DAPK1: variants seen among roughly 807,000 people sequenced by gnomAD.
DAPK1 encodes the protein death-associated protein kinase 1.
In DAPK1, 56 loss-of-function variants were observed where a neutral mutation model predicts 144.9. That is an observed-to-expected ratio of 0.39 (90% CI 0.31 to 0.48). DAPK1 has a LOEUF of 0.48. DAPK1 is among the 20% of genes least tolerant of loss of function. DAPK1 has a pLI of 0.95. For missense variants in DAPK1, 1,454 were observed against 1,875.4 expected, an observed-to-expected ratio of 0.78 and a Z score of 4.15; for synonymous variants, 690 against 749.0, an observed-to-expected ratio of 0.92 and a Z score of 1.29.
chr9:87,558,585 G>A (rs534638111), intron 2 of DAPK1, among the ~76,000 whole-genome samples: 4 of 152,292 alleles, frequency 2.6e-5, no homozygotes, highest in East Asian at 1.9e-4. Context: ...CCCTTTCGAC[G>A]AAAACGAACA....
chr9:87,503,783 G>A (rs1824494361), intron 2 of DAPK1, among the ~76,000 whole-genome samples: 1 of 152,156 alleles, frequency 6.6e-6, no homozygotes, highest in African/African-American at 2.4e-5. Context: ...CATTCTTTGT[G>A]GCTGAACAGT....
intron 18 of DAPK1, among the ~76,000 whole-genome samples, chr9:87,666,646 G>T (rs1831064558): frequency 6.6e-6 from 1 of 151,860 alleles, no homozygotes; most frequent in South Asian, 2.1e-4. Flanking sequence ...GCTGATTTTT[G>T]TATTTTTAGT....
At chr9:87,637,500 G>T (rs1455923424) in intron 3 of DAPK1, among the ~76,000 whole-genome samples, 1 of 152,124 alleles carries the variant, frequency 6.6e-6, no homozygotes, top group Non-Finnish European at 1.5e-5. Context: ...GAGTTTTAAA[G>T]AATTAATTAA....
intron 3 of DAPK1, among the ~76,000 whole-genome samples, chr9:87,627,288 G>C (rs1829525550): frequency 6.6e-6 from 1 of 152,186 alleles, no homozygotes; most frequent in Non-Finnish European, 1.5e-5. Flanking sequence ...GCCTAAGCAG[G>C]AAAATGCTTT....
chr9:87,542,314 T>A (rs927484731), intron 2 of DAPK1, among the ~76,000 whole-genome samples: 2 of 152,246 alleles, frequency 1.3e-5, no homozygotes, highest in African/African-American at 4.8e-5. Context: ...AGATCATCTC[T>A]GAATCATCAC....
intron 3 of DAPK1, among the ~76,000 whole-genome samples, chr9:87,614,527 G>T (rs1363892997): frequency 2.0e-5 from 3 of 152,134 alleles, no homozygotes; most frequent in Non-Finnish European, 4.4e-5. Context: ...GGTGGTGCAG[G>T]TCCTGCAAAT....
Position 87,565,718 on chromosome 9 carries a change from C to T in DAPK1, c.63-39236C>T, listed in dbSNP as rs902233995. ...ATTTTCAATTTACTGTTCTTTTCCC[C>T]GTTTTTCACTCTTTCTTTTTATCAT... On this transcript the variant is annotated intron_variant, in intron 2 of 25. Transcript: ENST00000408954. 4.6e-5 allele frequency among the ~76,000 whole-genome samples: 7 copies of T among 152,298 alleles called. No individual in the cohort carries two copies. In the East Asian group the frequency reaches 5.8e-4, roughly 13 times the overall value.
chr9:87,571,476 A>ACACCCCC lies in DAPK1; in HGVS notation c.63-33478_63-33477insCACCCCC, dbSNP rs771023885. Among the ~76,000 whole-genome samples, 108 of 48,518 alleles carry ACACCCCC rather than the reference A, an allele frequency of 2.2e-3. 6 individuals carry two copies. Among genetic ancestry groups the ACACCCCC allele is most frequent in the African/African-American group, 5.1e-3 (55 of 10,880 alleles). 31.8% of individuals were successfully genotyped at this position (48,518 alleles called of 152,430 possible). A position where few individuals can be genotyped will look rare whatever the true frequency, so the allele number is the denominator to read the frequency against. ...ACACACACACACACACACACACACC[A>ACACCCCC]ACACACACACACACACACCCCAACA... On this transcript the variant is annotated intron_variant, in intron 2 of 25. Transcript: ENST00000408954.
At chr9:87,498,143 C>T (rs1306355142) in intron 1 of DAPK1, 36 bp downstream of exon 1, 1 of 397,192 alleles carries the variant, frequency 2.5e-6, no homozygotes, top group Non-Finnish European at 4.4e-6. Flanking sequence ...GTCCCCCCGA[C>T]CCCCGGCGCC....
intron 20 of DAPK1, among the ~76,000 whole-genome samples, chr9:87,683,916 C>T (rs1315474343): frequency 6.6e-6 from 1 of 152,074 alleles, no homozygotes; most frequent in Admixed American, 6.5e-5. Flanking sequence ...ACAGTCAGTG[C>T]CGCCTGCCCC....
chr9:87,704,237 G>C (rs1464564117), intron 25 of DAPK1, among the ~76,000 whole-genome samples: 1 of 152,198 alleles, frequency 6.6e-6, no homozygotes, highest in East Asian at 1.9e-4. Context: ...CATCTTAGAT[G>C]ACAAGATACT....
At chr9:87,578,015 A>G (rs980109302) in intron 2 of DAPK1, among the ~76,000 whole-genome samples, 2 of 151,886 alleles carry the variant, frequency 1.3e-5, no homozygotes, top group African/African-American at 4.8e-5. Flanking sequence ...GCCATAGAAC[A>G]TTTCCATTTC....
chr9:87,636,416 G>A (rs1041594875), intron 3 of DAPK1, among the ~76,000 whole-genome samples: 6 of 152,192 alleles, frequency 3.9e-5, no homozygotes, highest in Admixed American at 6.5e-5. Context: ...GAATTAAGAC[G>A]TGGGAAAATG....
Position 87,518,269 on chromosome 9 carries a change from AC to A in DAPK1, c.62+19133del, listed in dbSNP as rs374865028. 3.7e-3 allele frequency among the ~76,000 whole-genome samples: 535 copies of A among 145,480 alleles called. 3 individuals are homozygous for A. The highest frequency in any genetic ancestry group is 0.012 in the African/African-American group (453 of 39,134). ...TGGGATTACAGGCGTGCCCCACCAC[AC>A]CCAGCTAATTTTTTTTTTTTTTTTT... is the stretch of plus-strand genomic sequence containing the variant. On this transcript the variant is annotated intron_variant, in intron 2 of 25. Transcript: ENST00000408954.
intron 3 of DAPK1, among the ~76,000 whole-genome samples, chr9:87,615,736 G>C (rs958043477): frequency 2.0e-5 from 3 of 152,192 alleles, no homozygotes; most frequent in Non-Finnish European, 4.4e-5. Flanking sequence ...TCCCTGAAAT[G>C]ATCTCATTTA....
At chr9:87,529,872 C>G (rs985326218) in intron 2 of DAPK1, among the ~76,000 whole-genome samples, 2 of 151,990 alleles carry the variant, frequency 1.3e-5, no homozygotes, top group Admixed American at 6.6e-5. Flanking sequence ...TAAATTTCCT[C>G]CTACTCACCT....
chr9:87,562,409 C>T (rs1826962948), intron 2 of DAPK1, among the ~76,000 whole-genome samples: 1 of 152,170 alleles, frequency 6.6e-6, no homozygotes, highest in Non-Finnish European at 1.5e-5. Context: ...AAATTAAGGA[C>T]TGGGTCTTGA....
Position 87,606,547 on chromosome 9 carries a change from T to TCC in DAPK1, c.284+1373_284+1374insCC, listed in dbSNP as rs1302026451. On this transcript the variant is annotated intron_variant, in intron 3 of 25. Coordinates refer to ENST00000408954, the MANE Select transcript of DAPK1 (RefSeq NM_004938.4). ...CTTCCTTCCTTCCCCCCTCCCTCCC[T>TCC]CTCTCCCTCTCTCCCTCCCTCCGTC... Among the ~76,000 whole-genome samples the TCC allele has an allele frequency of 1.2e-3, 103 of 84,054 alleles. 2 individuals carry two copies. Among genetic ancestry groups the TCC allele is most frequent in the African/African-American group, 4.6e-3 (97 of 20,952 alleles). 55.1% of individuals were successfully genotyped at this position (84,054 alleles called of 152,430 possible).
chr9:87,657,793 T>G, intron 17 of DAPK1: 1 of 526,386 alleles, frequency 1.9e-6, no homozygotes, highest in Non-Finnish European at 3.4e-6. Flanking sequence ...AGCAGGAAAC[T>G]TACTTAAGTT....
Sources: gnomAD v4.1 joint callset for allele counts (sites outside exome capture counted in the v4.1 genomes callset) on GRCh38, gnomAD v4.1.1 for gene constraint, MANE v1.5 for transcripts, NCBI Gene and HGNC (gene_info 2026-07-23, HGNC 2026-07-21) for gene names.